The following BLOC1S3 variants were observed in gnomAD, a reference collection of about 807,000 sequenced individuals.
The protein encoded by BLOC1S3 is biogenesis of lysosomal organelles complex 1 subunit 3.
In BLOC1S3, 7 loss-of-function variants were observed where a neutral mutation model predicts 9.1. The ratio of observed to expected loss-of-function variants is 0.77; its 90% CI spans 0.44 to 1.45. The LOEUF is 1.45. Among genes scored for constraint, BLOC1S3 ranks in the 40% most tolerant of loss-of-function variants. BLOC1S3 has a pLI of 0.01. For missense variants in BLOC1S3, 307 were observed against 315.2 expected, an observed-to-expected ratio of 0.97 and a Z score of 0.20; for synonymous variants, 145 against 158.4, an observed-to-expected ratio of 0.92 and a Z score of 0.64.
chr19:45,199,743 T>TTCTCC (rs1253929385), intron 2 of BLOC1S3, among the ~76,000 whole-genome samples: 4 of 151,960 alleles, frequency 2.6e-5, no homozygotes, highest in African/African-American at 7.3e-5. Context: ...TTCTCTTCTC[T>TTCTCC]TCTCCTCCTC....
chr19:45,213,377 C>T, intron 3 of BLOC1S3: 6 of 1,610,688 alleles, frequency 3.7e-6, no homozygotes, highest in Non-Finnish European at 5.1e-6. Context: ...GAGGAACAGA[C>T]AGGTGCATGC....
intron 3 of BLOC1S3, among the ~76,000 whole-genome samples, chr19:45,209,495 C>T (rs1599757139): frequency 6.6e-6 from 1 of 152,110 alleles, no homozygotes; most frequent in South Asian, 2.1e-4. Flanking sequence ...AATCTCGGCT[C>T]ACTGCAAGCT....
chr19:45,205,018 G>A (rs1223484315), intron 3 of BLOC1S3, among the ~76,000 whole-genome samples: 2 of 152,064 alleles, frequency 1.3e-5, no homozygotes, highest in African/African-American at 4.8e-5. Context: ...ACATGTGTGA[G>A]CTGCCATGCC....
chr19:45,179,309 G>A lies in BLOC1S3; in HGVS notation c.13G>A (p.Gly5Ser), dbSNP rs768322585. 5.2e-5 allele frequency: 83 copies of A among 1,582,244 alleles called. No homozygotes were observed. The Admixed American group carries it at 1.4e-3, about 27-fold the overall frequency. Residue 5 changes from glycine (G) to serine (S), a missense_variant, in exon 2 of 2, where the codon GGT becomes AGT. Coordinates refer to ENST00000433642, the MANE Select transcript of BLOC1S3 (RefSeq NM_212550.5). The surrounding 1 kb of genome is among the most constrained non-coding windows in gnomAD (Gnocchi z 4.6). ...CTAGTTCGGTGCCATGGCGTCCCAG[G>A]GTCGTCGGCGGAGGCCCCTGCGGAG... Reference protein sequence around the residue: MASQGRRRRPLRRPE... With the variant: MASQSRRRRPLRRPE...
chr19:45,189,732 G>A (rs921945511), intron 2 of BLOC1S3, among the ~76,000 whole-genome samples: 1 of 151,468 alleles, frequency 6.6e-6, no homozygotes, highest in Non-Finnish European at 1.5e-5. Flanking sequence ...CACCACGCCC[G>A]GCAGGTAGTC....
intron 3 of BLOC1S3, among the ~76,000 whole-genome samples, chr19:45,207,701 C>T (rs540307437): frequency 9.8e-4 from 149 of 151,954 alleles, no homozygotes; most frequent in Middle Eastern, 3.4e-3. Flanking sequence ...CACACCACTG[C>T]ACCCCAGCCT....
At chr19:45,202,980 C>T (rs139411588) in intron 3 of BLOC1S3, among the ~76,000 whole-genome samples, 10 of 152,110 alleles carry the variant, frequency 6.6e-5, no homozygotes, top group Non-Finnish European at 1.2e-4. Flanking sequence ...CTCAGGACTC[C>T]GCCTGGTGCC....
intron 3 of BLOC1S3, chr19:45,215,929 T>C: frequency 1.7e-6 from 2 of 1,164,350 alleles, no homozygotes; most frequent in Non-Finnish European, 1.2e-6. Flanking sequence ...TTATTAATAA[T>C]GCCCTGGTTC....
intron 2 of BLOC1S3, among the ~76,000 whole-genome samples, chr19:45,192,031 A>G (rs1969610699): frequency 1.3e-5 from 2 of 152,206 alleles, no homozygotes; most frequent in African/African-American, 4.8e-5. Context: ...GCCCCCCATC[A>G]CAGGTGCGCC....
At position 45,179,241 on chromosome 19, in the gene BLOC1S3, A is replaced by AC; in HGVS notation, c.-9-45dup. ...AATCCAGGACCTGCGCCTTTTACCC[A>AC]CCGCGGCGCCGGTCTCACGTGCAGT... On this transcript the variant is annotated intron_variant, in intron 1 of 1. Coordinates refer to ENST00000433642, the MANE Select transcript of BLOC1S3 (RefSeq NM_212550.5). The surrounding 1 kb of genome is among the most constrained non-coding windows in gnomAD (Gnocchi z 4.6). 2.8e-6 allele frequency: 4 copies of AC among 1,454,276 alleles called. No homozygotes were observed. The highest frequency in any genetic ancestry group is 3.6e-6 in the Non-Finnish European group (4 of 1,106,842). 90.1% of individuals were successfully genotyped at this position (1,454,276 alleles called of 1,614,324 possible). A position where few individuals can be genotyped will look rare whatever the true frequency, so the allele number is the denominator to read the frequency against.
chr19:45,209,486 A>G (rs927408983), intron 3 of BLOC1S3, among the ~76,000 whole-genome samples: 4 of 152,042 alleles, frequency 2.6e-5, no homozygotes, highest in African/African-American at 9.6e-5. Context: ...CAGTAATGCA[A>G]TCTCGGCTCA....
Position 45,179,964 on chromosome 19 carries a change from A to T in BLOC1S3, c.*59A>T. 1.9e-6 allele frequency: 3 copies of T among 1,566,762 alleles called. No individual in the cohort carries two copies. In the South Asian group the frequency reaches 3.5e-5, roughly 18 times the overall value. On this transcript the variant is annotated 3_prime_UTR_variant, in exon 2 of 2. Coordinates refer to ENST00000433642, the MANE Select transcript of BLOC1S3 (RefSeq NM_212550.5). This position sits in a 1 kb window ranked among gnomAD's most constrained non-coding sequence, Gnocchi z 4.6. The stretch of plus-strand genomic sequence containing the variant: ...GGGGGTAGGCCTTGCTGCCTCTGGG[A>T]CCTGACTCTGTCTCCTGTGTCTCTT...
At chr19:45,205,080 C>G (rs567764733) in intron 3 of BLOC1S3, among the ~76,000 whole-genome samples, 1 of 152,174 alleles carries the variant, frequency 6.6e-6, no homozygotes, top group African/African-American at 2.4e-5. Context: ...TGCATTGACT[C>G]TAAATTATGT....
At chr19:45,202,633 T>C (rs1969699916) in intron 3 of BLOC1S3, 1 of 152,288 alleles carries the variant, frequency 6.6e-6, no homozygotes, top group Non-Finnish European at 1.5e-5. Flanking sequence ...TGCTGGGTGC[T>C]CTACCCTACT....
chr19:45,203,262 GTTTATTTA>G (rs4012978), intron 3 of BLOC1S3, among the ~76,000 whole-genome samples: 39,511 of 149,622 alleles, frequency 0.26, 6,242 homozygotes, highest in African/African-American at 0.42. Flanking sequence ...TGCCTTTCAA[GTTTATTTA>G]TTTATTTATT....
downstream of BLOC1S3, among the ~76,000 whole-genome samples, chr19:45,184,907 A>C (rs866402213): frequency 1.0e-3 from 109 of 109,288 alleles, no homozygotes; most frequent in African/African-American, 4.5e-3. Context: ...CTCAAACAAA[A>C]AAAAAAAAAA....
In BLOC1S3 at chr19:45,179,547, T is replaced by C. The variant is rs765414327; in HGVS notation, c.251T>C (p.Val84Ala). Residue 84 changes from valine to alanine, a missense_variant, in exon 2 of 2, where the codon GTG (valine) becomes GCG (alanine). Val to Ala is a moderately conservative substitution (Grantham distance 64). Transcript: ENST00000433642. The surrounding 1 kb of genome is among the most constrained non-coding windows in gnomAD (Gnocchi z 4.6). ...GCGCCGAGGGACCTGCCTCCACTCGTGGTGCAGCGGGAATCGGCGGAGGAG... is the reference window on the plus strand; with the variant it reads ...GCGCCGAGGGACCTGCCTCCACTCGCGGTGCAGCGGGAATCGGCGGAGGAG... Reference protein sequence around the residue: ...TAAPRDLPPLVVQRESAEEAW... With the variant: ...TAAPRDLPPLAVQRESAEEAW... 5.3e-6 allele frequency: 8 copies of C among 1,521,838 alleles called. No individual in the cohort carries two copies. The South Asian group carries it at 9.7e-5, about 18-fold the overall frequency. The allele number at this position is 1,521,838 out of a possible 1,614,324, so 94.3% of individuals were successfully genotyped here.
Position 45,180,110 on chromosome 19 carries a change from CCTTAGAT to C in BLOC1S3, c.*208_*214del. 1.9e-6 allele frequency: 1 copy of C among 539,810 alleles called. No individual in the cohort carries two copies. The highest frequency in any genetic ancestry group is 3.2e-6 in the Non-Finnish European group (1 of 313,282). 33.4% of individuals were successfully genotyped at this position (539,810 alleles called of 1,614,324 possible). Reference sequence around the variant, plus strand: ...ACTGCGGAGACCAGGGCCCCACTATCCTTAGATCTGGTTCCTCTCCCGATCCTGACCC... The same window carrying C: ...ACTGCGGAGACCAGGGCCCCACTATCCTGGTTCCTCTCCCGATCCTGACCC... On this transcript the variant is annotated 3_prime_UTR_variant, in exon 2 of 2. Coordinates refer to ENST00000433642, the MANE Select transcript of BLOC1S3 (RefSeq NM_212550.5).
chr19:45,213,166 A>C, intron 3 of BLOC1S3: 1 of 1,597,462 alleles, frequency 6.3e-7, no homozygotes, highest in Non-Finnish European at 8.5e-7. Flanking sequence ...GAGGCGGCCC[A>C]GGAAGAGAGG....
Sources: gnomAD v4.1 joint callset for allele counts (sites outside exome capture counted in the v4.1 genomes callset) on GRCh38, gnomAD v4.1.1 for gene constraint, Gnocchi (gnomAD v3.1) non-coding constraint, MANE v1.5 for transcripts, NCBI Gene and HGNC (gene_info 2026-07-23, HGNC 2026-07-21) for gene names.